The following XKRX variants were observed in gnomAD, a reference collection of about 807,000 sequenced individuals.
XKRX encodes XK related X-linked.
In XKRX, 11 loss-of-function variants were observed where a neutral mutation model predicts 22.4. The observed-to-expected ratio is 0.49, with a 90% CI of 0.31 to 0.81. The LOEUF is 0.81. Among genes scored for constraint, XKRX ranks in the 40% least tolerant of loss-of-function variants. The probability of loss-of-function intolerance (pLI) is 0.05; values close to 1 mark genes in which losing one functional copy is unlikely to be tolerated. For missense variants in XKRX, 320 were observed against 336.5 expected (o/e 0.95, Z 0.38); for synonymous variants, 114 against 132.2 (o/e 0.86, Z 0.94).
At chrX:100,954,418 CAA>C in the XKRX span, among the ~76,000 whole-genome samples, 2 of 85,335 alleles carry the variant, frequency 2.3e-5, no homozygotes, top group African/African-American at 4.4e-5. Flanking sequence ...GACTCTGTCT[CAA>C]AAAAAAAAAA....
At chrX:100,935,495 G>A in the XKRX span, among the ~76,000 whole-genome samples, 28 of 111,947 alleles carry the variant, frequency 2.5e-4, no homozygotes, top group East Asian at 6.7e-3. Context: ...CCCAATATTC[G>A]CAGCTTTTCT....
chrX:100,907,966 A>G, the XKRX span, among the ~76,000 whole-genome samples: 1 of 112,182 alleles, frequency 8.9e-6, no homozygotes, highest in South Asian at 3.7e-4. Context: ...ATCCTTGGTG[A>G]ATTGAATGTT....
intron 2 of XKRX, among the ~76,000 whole-genome samples, chrX:100,917,722 G>GAAAGAAAGAAAGAAAGAAAGAA (rs772047288): frequency 1.3e-5 from 1 of 74,991 alleles, no homozygotes; most frequent in African/African-American, 3.8e-5. Context: ...AAGAAAGAAA[G>GAAAGAAAGAAAGAAAGAAAGAA]AAATCCTTGG....
At chrX:100,936,540 C>CAAA in the XKRX span, among the ~76,000 whole-genome samples, 26 of 25,398 alleles carry the variant, frequency 1.0e-3, no homozygotes, top group East Asian at 2.7e-3. Flanking sequence ...GACTCTGTCT[C>CAAA]AAAAAAAAAA....
chrX:100,917,662 AAAG>A (rs1319795945), intron 2 of XKRX, among the ~76,000 whole-genome samples: 52 of 44,956 alleles, frequency 1.2e-3, no homozygotes, highest in South Asian at 2.5e-3. Flanking sequence ...AGAAAGAAAG[AAAG>A]AAAGAAAGAA....
chrX:100,927,868 T>C (rs1401307699), intron 1 of XKRX, 102 bp downstream of exon 1: 15 of 994,870 alleles, frequency 1.5e-5, no homozygotes, highest in East Asian at 3.2e-5. Context: ...AATGAGAGAA[T>C]TGATTAGAGC....
At chrX:100,952,524 A>G in the XKRX span, among the ~76,000 whole-genome samples, 1 of 111,956 alleles carries the variant, frequency 8.9e-6, no homozygotes, top group African/African-American at 3.2e-5. Context: ...ATAAGGCAAG[A>G]AAAATGAAAT....
At position 100,915,886 on chromosome X, in the gene XKRX, G is replaced by C. The variant is rs754508542; in HGVS notation, c.605-803C>G. Among the ~76,000 whole-genome samples the C allele has an allele frequency of 3.6e-5, 4 of 110,896 alleles. No homozygotes were observed. The South Asian group carries it at 1.5e-3, about 42-fold the overall frequency. On this transcript the variant is annotated intron_variant, in intron 2 of 2. Coordinates refer to ENST00000372956, the MANE Select transcript of XKRX (RefSeq NM_212559.3). ...GGAATCTAAAAAAGTTGAACACCTA[G>C]CAACAGAGTAGAATGGGTGGTTACC...
chrX:100,925,550 G>C (rs755747161), intron 1 of XKRX, among the ~76,000 whole-genome samples: 2 of 111,875 alleles, frequency 1.8e-5, no homozygotes, highest in African/African-American at 6.5e-5. Context: ...CTACACAGAG[G>C]GTTCACAAAG....
chrX:100,893,394 A>G, the XKRX span, among the ~76,000 whole-genome samples: 1 of 112,137 alleles, frequency 8.9e-6, no homozygotes, highest in East Asian at 2.9e-4. Context: ...TCTACAAAAA[A>G]ACAGTATGGA....
At chrX:100,946,443 T>C in the XKRX span, among the ~76,000 whole-genome samples, 2 of 111,512 alleles carry the variant, frequency 1.8e-5, no homozygotes, top group South Asian at 3.8e-4. Context: ...CTCATCTGTA[T>C]CAGTCAGGGT....
At chrX:100,943,904 G>A in the XKRX span, among the ~76,000 whole-genome samples, 214 of 111,609 alleles carry the variant, frequency 1.9e-3, no homozygotes, top group African/African-American at 6.1e-3. Flanking sequence ...ACATATATAC[G>A]TGTATCCTTA....
At chrX:100,935,640 G>A in the XKRX span, among the ~76,000 whole-genome samples, 1 of 111,792 alleles carries the variant, frequency 8.9e-6, no homozygotes, top group East Asian at 2.8e-4. Flanking sequence ...AATTTTATTA[G>A]AACTGCTCTT....
chrX:100,896,185 G>T, the XKRX span, among the ~76,000 whole-genome samples: 3 of 111,545 alleles, frequency 2.7e-5, no homozygotes, highest in African/African-American at 9.8e-5. Context: ...AAATTGTATA[G>T]CCCATTTGGA....
chrX:100,906,768 C>T, the XKRX span, among the ~76,000 whole-genome samples: 1 of 111,386 alleles, frequency 9.0e-6, no homozygotes, highest in East Asian at 2.8e-4. Flanking sequence ...GTCAGAAGGG[C>T]CATGTTCCTT....
At chrX:100,929,116 AGGCACGATGTGCGGGGCGCC>A (rs1206629283), upstream of XKRX, 2 of 112,530 alleles carry the variant, frequency 1.8e-5, no homozygotes, top group Non-Finnish European at 3.7e-5. Flanking sequence ...TGCTAGTGAG[AGGCACGATGTGCGGGGCGCC>A]AACCTGGCTG....
chrX:100,911,036 C>G, downstream of XKRX: 1 of 556,304 alleles, frequency 1.8e-6, no homozygotes, highest in Non-Finnish European at 3.3e-6. Context: ...TAAACAGAAA[C>G]GAAAAGAGAA....
At chrX:100,920,170 CCT>C (rs1491139012) in intron 2 of XKRX, among the ~76,000 whole-genome samples, 1,329 of 89,324 alleles carry the variant, frequency 0.015, 19 homozygotes, top group African/African-American at 0.043. Context: ...GGTTGTGCTA[CCT>C]TTTTTTTTCC....
the XKRX span, among the ~76,000 whole-genome samples, chrX:100,951,188 C>T: frequency 1.1e-5 from 1 of 93,871 alleles, no homozygotes; most frequent in South Asian, 5.8e-4. Flanking sequence ...GAGCCGAGAT[C>T]GCATCATTGC....
Sources: gnomAD v4.1 joint callset for allele counts (sites outside exome capture counted in the v4.1 genomes callset) on GRCh38, gnomAD v4.1.1 for gene constraint, MANE v1.5 for transcripts, NCBI Gene and HGNC (gene_info 2026-07-23, HGNC 2026-07-21) for gene names.